Variants in AOAH observed in about 807,000 individuals in gnomAD.
AOAH encodes the protein acyloxyacyl hydrolase (neutrophil).
In AOAH, 64 loss-of-function variants were observed where a neutral mutation model predicts 92.2. The observed-to-expected ratio is 0.69, with a 90% CI of 0.57 to 0.86. The LOEUF is 0.86. Ranked by LOEUF, AOAH falls within the 40% of genes least tolerant of loss-of-function variation. AOAH has a pLI of 0.00. For missense variants in AOAH, 656 were observed against 694.6 expected (o/e 0.94, Z 0.62); for synonymous variants, 263 against 254.5 (o/e 1.03, Z -0.32).
chr7:36,723,383 A>G (rs1562734563), intron 1 of AOAH, among the ~76,000 whole-genome samples: 3 of 152,338 alleles, frequency 2.0e-5, no homozygotes, highest in Middle Eastern at 6.8e-3. Flanking sequence ...CACTTCATTA[A>G]CAGATGAGCC....
At chr7:36,655,854 C>T (rs567750091) in intron 4 of AOAH, among the ~76,000 whole-genome samples, 2 of 152,224 alleles carry the variant, frequency 1.3e-5, no homozygotes, top group East Asian at 3.9e-4. Flanking sequence ...GTGGTAGAGA[C>T]AGGCAGGCAG....
intron 3 of AOAH, among the ~76,000 whole-genome samples, chr7:36,659,535 G>C (rs1471721399): frequency 1.3e-5 from 2 of 152,094 alleles, no homozygotes; most frequent in African/African-American, 4.8e-5. Flanking sequence ...GCGAGTGCTG[G>C]GATTCTTTTC....
intron 11 of AOAH, among the ~76,000 whole-genome samples, chr7:36,595,150 G>A (rs1790013885): frequency 6.6e-6 from 1 of 152,144 alleles, no homozygotes; most frequent in South Asian, 2.1e-4. Context: ...AGTGACTTCT[G>A]GGACTAATCT....
chr7:36,606,934 G>A (rs78001549), intron 11 of AOAH, among the ~76,000 whole-genome samples: 1,721 of 152,322 alleles, frequency 0.011, 17 homozygotes, highest in African/African-American at 0.022. Flanking sequence ...AAAGGGAGCA[G>A]ACAGGTCGGA....
chr7:36,515,413 TCA>T (rs1400196084), intron 20 of AOAH, among the ~76,000 whole-genome samples: 1 of 34,584 alleles, frequency 2.9e-5, no homozygotes, highest in Non-Finnish European at 5.3e-5. Flanking sequence ...CACACAAACA[TCA>T]CACACACCCC....
chr7:36,622,570 C>A (rs533397285), intron 7 of AOAH, among the ~76,000 whole-genome samples: 2 of 152,302 alleles, frequency 1.3e-5, no homozygotes, highest in South Asian at 2.1e-4. Flanking sequence ...AACGCACACA[C>A]ACACACACGT....
intron 3 of AOAH, among the ~76,000 whole-genome samples, chr7:36,665,960 C>A (rs1005431313): frequency 2.0e-5 from 3 of 151,758 alleles, no homozygotes; most frequent in African/African-American, 7.3e-5. Flanking sequence ...AATATTTTGC[C>A]GAGGATTTTC....
chr7:36,553,448 C>T (rs950347596), intron 13 of AOAH, among the ~76,000 whole-genome samples: 3 of 151,382 alleles, frequency 2.0e-5, no homozygotes, highest in Non-Finnish European at 2.9e-5. Context: ...AATAAACATA[C>T]GTGTGCATGT....
intron 11 of AOAH, among the ~76,000 whole-genome samples, chr7:36,609,005 T>C (rs1791220276): frequency 6.6e-6 from 1 of 151,902 alleles, no homozygotes; most frequent in Non-Finnish European, 1.5e-5. Flanking sequence ...TGAGACCCTG[T>C]GGGAAGACCT....
In AOAH at chr7:36,637,908, C is replaced by A. The variant is rs1793634747; in HGVS notation, c.393G>T (p.Glu131Asp). 1 of 1,612,778 alleles carries A rather than the reference C, an allele frequency of 6.2e-7. No individual in the cohort carries two copies. Among genetic ancestry groups the A allele is most frequent in the African/African-American group, 1.3e-5 (1 of 74,898 alleles). The change falls in exon 5 of 21, where the codon GAG becomes GAT. Residue 131 changes from glutamate to aspartate, a missense_variant and splice_region_variant. Transcript: ENST00000617537. ...CCTTCTGTAGTGTAAATTTCCATGT[C>A]TCCTATAAAAACAAAGTTAGAGAAC... ...PLCHLYPLPK[E>D]TWKFTLQKAR...
chr7:36,596,280 C>A (rs529419795), intron 11 of AOAH, among the ~76,000 whole-genome samples: 9 of 146,706 alleles, frequency 6.1e-5, no homozygotes, highest in African/African-American at 2.2e-4. Context: ...AATCTTTAAA[C>A]TGGGAAAAAC....
At chr7:36,527,884 G>A (rs1383294002) in intron 19 of AOAH, among the ~76,000 whole-genome samples, 5 of 152,182 alleles carry the variant, frequency 3.3e-5, no homozygotes, top group Non-Finnish European at 7.3e-5. Flanking sequence ...TCTGGGAGGG[G>A]ATTATCCCTC....
At chr7:36,713,380 G>A (rs890903417) in intron 1 of AOAH, among the ~76,000 whole-genome samples, 2 of 152,018 alleles carry the variant, frequency 1.3e-5, no homozygotes, top group Non-Finnish European at 2.9e-5. Context: ...ATAATAATGG[G>A]AGACTTTAAC....
chr7:36,660,537 G>C (rs1237106971), intron 3 of AOAH, among the ~76,000 whole-genome samples: 1 of 152,156 alleles, frequency 6.6e-6, no homozygotes, highest in South Asian at 2.1e-4. Context: ...GGCTGGTCTC[G>C]AACTCTTGAC....
intron 1 of AOAH, among the ~76,000 whole-genome samples, chr7:36,699,777 G>C (rs946906440): frequency 1.3e-5 from 2 of 151,318 alleles, no homozygotes; most frequent in Admixed American, 6.6e-5. Flanking sequence ...TTTCTTTGCT[G>C]TGCAGAAAGC....
intron 11 of AOAH, among the ~76,000 whole-genome samples, chr7:36,599,318 G>C (rs1420345781): frequency 6.6e-6 from 1 of 152,204 alleles, no homozygotes; most frequent in Non-Finnish European, 1.5e-5. Context: ...TGTTGTGTGG[G>C]AGAAAGAGAG....
chr7:36,579,094 G>T (rs1788732212), intron 12 of AOAH, among the ~76,000 whole-genome samples: 1 of 152,236 alleles, frequency 6.6e-6, no homozygotes, highest in East Asian at 1.9e-4. Flanking sequence ...AACAGGGATG[G>T]TGCTTAACCA....
intron 1 of AOAH, among the ~76,000 whole-genome samples, chr7:36,702,702 C>A (rs1363253693): frequency 1.3e-5 from 2 of 152,152 alleles, no homozygotes; most frequent in African/African-American, 2.4e-5. Flanking sequence ...GAGCCTTCAG[C>A]AAGTCATAAT....
rs117007652 is a variant in AOAH at position 36,558,806 on chromosome 7, G to A, written c.1022-9331C>T. On this transcript the variant is annotated intron_variant, in intron 13 of 20. Transcript: ENST00000617537. ...TGTGCAGGATATAATCTCCTGGTGC[G>A]CTGTTTCCTAAGCCCGTTGGAAAAG... 1.0e-3 allele frequency among the ~76,000 whole-genome samples: 158 copies of A among 152,376 alleles called. 2 individuals are homozygous for A. In the East Asian group the frequency reaches 0.018, roughly 17 times the overall value.
Sources: allele counts gnomAD v4.1 joint callset (sites outside exome capture counted in the v4.1 genomes callset), GRCh38; gene constraint gnomAD v4.1.1; transcripts MANE v1.5; gene names NCBI Gene and HGNC (gene_info 2026-07-23, HGNC 2026-07-21).